Variants in SNED1 observed in about 807,000 individuals in gnomAD.
SNED1 encodes sushi, nidogen and EGF-like domain-containing protein 1.
A neutral mutation model predicts 166.7 loss-of-function variants in SNED1; 81 were observed. The observed-to-expected ratio is 0.49, with a 90% CI of 0.41 to 0.58. The LOEUF (loss-of-function observed/expected upper bound fraction) is 0.58, where lower values mean the gene tolerates loss of function less well. Ranked by LOEUF, SNED1 falls within the 20% of genes least tolerant of loss-of-function variation. The pLI is 0.00. For missense variants in SNED1, 1,604 were observed against 2,000.2 expected (o/e 0.80, Z 3.78); for synonymous variants, 762 against 822.0 (o/e 0.93, Z 1.25).
rs1387765517 is a variant in SNED1, at chr2:241,075,771, C to A, written c.3916+2407C>A. On this transcript the variant is annotated intron_variant, in intron 27 of 31. Transcript: ENST00000310397. The surrounding 1 kb of genome is among the most constrained non-coding windows in gnomAD (Gnocchi z 4.8). ...CTTTAAAAAATATCCTTCCCCACAC[C>A]AAAGTTAGAAAGTTATTCATGTATA... 1 of 152,006 alleles carries A rather than the reference C, an allele frequency of 6.6e-6. No homozygotes were observed. Among genetic ancestry groups the A allele is most frequent in the Admixed American group, 6.5e-5 (1 of 15,270 alleles). 9.4% of individuals were successfully genotyped at this position (152,006 alleles called of 1,614,324 possible). A position where few individuals can be genotyped will look rare whatever the true frequency, so the allele number is the denominator to read the frequency against.
chr2:241,030,500 T>C lies in SNED1; in HGVS notation c.430T>C (p.Phe144Leu). 1 of 1,613,960 alleles carries C rather than the reference T, an allele frequency of 6.2e-7. No individual in the cohort carries two copies. Among genetic ancestry groups the C allele is most frequent in the Non-Finnish European group, 8.5e-7 (1 of 1,179,892 alleles). Residue 144 changes from phenylalanine (F) to leucine (L), a missense_variant, in exon 2 of 32, where the codon TTC becomes CTC. Phe to Leu is a conservative substitution (Grantham distance 22, BLOSUM62 0). Around this residue, in one of 2 missense-constraint regions of SNED1, gnomAD observed 1,237 missense variants for 1,620.8 expected, o/e 0.76. Coordinates refer to ENST00000310397, the MANE Select transcript of SNED1 (RefSeq NM_001080437.3). ...GCACTACTTCCCCGAGCTCCTGGAC[T>C]TCAATGCCACCTGGGTTTTTGTTGC... ...VRHYFPELLD[F>L]NATWVFVATW...
rs2063951562 is a variant in SNED1 at position 241,091,157 on chromosome 2, C to A, written c.*2-481C>A. On this transcript the variant is annotated intron_variant, in intron 31 of 31. Transcript: ENST00000310397. The surrounding 1 kb of genome is among the most constrained non-coding windows in gnomAD (Gnocchi z 4.1). ...AATACTGACTTATAGAATACCTATT[C>A]TTGAAATAATGGAGACAACACACAA... Among the ~76,000 whole-genome samples the A allele has an allele frequency of 6.6e-6, 1 of 152,110 alleles. No individual in the cohort carries two copies. Among genetic ancestry groups the A allele is most frequent in the African/African-American group, 2.4e-5 (1 of 41,414 alleles).
chr2:241,012,004 C>T (rs1304294068), intron 1 of SNED1, among the ~76,000 whole-genome samples: 1 of 152,194 alleles, frequency 6.6e-6, no homozygotes, highest in Non-Finnish European at 1.5e-5. Context: ...GCGGGGCAGG[C>T]GGCGGGTGGG....
intron 1 of SNED1, among the ~76,000 whole-genome samples, chr2:241,009,269 G>C (rs2060314075): frequency 6.6e-6 from 1 of 152,138 alleles, no homozygotes; most frequent in South Asian, 2.1e-4. Context: ...GATCTCAAGA[G>C]CCCAGGAGGC....
chr2:241,063,020 C>T (rs1187987445), intron 17 of SNED1, 116 bp downstream of exon 17: 1 of 637,754 alleles, frequency 1.6e-6, no homozygotes, highest in Non-Finnish European at 2.7e-6. Flanking sequence ...CCACTGCATG[C>T]TTTCTCGGGC....
At position 241,030,368 on chromosome 2, in the gene SNED1, G is replaced by T. The variant is rs200071415; in HGVS notation, c.298G>T (p.Val100Leu). The T allele has an allele frequency of 9.9e-6, 16 of 1,611,854 alleles. No individual in the cohort carries two copies. The highest frequency in any genetic ancestry group is 1.4e-5 in the Non-Finnish European group (16 of 1,179,130). The change falls in exon 2 of 32, where the codon GTG becomes TTG. Residue 100 changes from valine (V) to leucine (L), a missense_variant. This residue lies in a region of SNED1 where 1,237 missense variants were observed against 1,620.8 expected (regional missense o/e 0.76). Coordinates refer to ENST00000310397, the MANE Select transcript of SNED1 (RefSeq NM_001080437.3). Reference sequence around the variant, plus strand: ...CTTCCCCATTGCCAAGGACCGCTGCGTGGTGGCAGCCTTCTGGGCAGATGT... The same window carrying T: ...CTTCCCCATTGCCAAGGACCGCTGCTTGGTGGCAGCCTTCTGGGCAGATGT... ...VAFPIAKDRC[V>L]VAAFWADVDN...
rs778905683 is a variant in SNED1, at chr2:241,071,698, G to A, written c.3712G>A (p.Glu1238Lys). ...CCTGCTCAATGACCACAGCGCCCCC[G>A]AGACCCCCACCCAGCCCCCCAGGTA... ...LRLLNDHSAP[E>K]TPTQPPRFSE... The change falls in exon 25 of 32, where the codon GAG becomes AAG. Residue 1238 changes from glutamate (E) to lysine (K), a missense_variant. Around this residue, in one of 2 missense-constraint regions of SNED1, gnomAD observed 367 missense variants for 379.4 expected, o/e 0.97. Coordinates refer to ENST00000310397, the MANE Select transcript of SNED1 (RefSeq NM_001080437.3). 1,044 of 970,578 alleles carry A rather than the reference G, an allele frequency of 1.1e-3. 3 individuals are homozygous for A. Among genetic ancestry groups the A allele is most frequent in the South Asian group, 2.4e-3 (160 of 67,136 alleles). The allele number at this position is 970,578 out of a possible 1,614,324, so 60.1% of individuals were successfully genotyped here.
intron 2 of SNED1, among the ~76,000 whole-genome samples, chr2:241,031,070 G>A (rs2061152214): frequency 6.6e-6 from 1 of 152,206 alleles, no homozygotes; most frequent in African/African-American, 2.4e-5. Context: ...ACTGGGCACT[G>A]GGTCATGACT....
At chr2:241,009,205 G>C (rs887212844) in intron 1 of SNED1, among the ~76,000 whole-genome samples, 6 of 152,198 alleles carry the variant, frequency 3.9e-5, no homozygotes, top group South Asian at 2.1e-4. Flanking sequence ...AGAGATGCAG[G>C]GTGACTGTGA....
intron 1 of SNED1, among the ~76,000 whole-genome samples, chr2:241,021,952 C>T (rs1318095856): frequency 2.2e-5 from 3 of 133,594 alleles, no homozygotes; most frequent in Admixed American, 7.2e-5. Flanking sequence ...TTCATTACAG[C>T]CATCCTGCCA....
chr2:241,054,628 C>T (rs978207881), intron 16 of SNED1, among the ~76,000 whole-genome samples: 2 of 152,174 alleles, frequency 1.3e-5, no homozygotes, highest in African/African-American at 4.8e-5. Context: ...ACAAAGTAAA[C>T]ATGGCATTGG....
rs899379898 is a variant in SNED1, at chr2:240,999,218, G to A, written c.213+168G>A. Among the ~76,000 whole-genome samples the A allele has an allele frequency of 1.3e-5, 2 of 149,592 alleles. No individual in the cohort carries two copies. The highest frequency in any genetic ancestry group is 3.0e-5 in the Non-Finnish European group (2 of 67,154). On this transcript the variant is annotated intron_variant, in intron 1 of 31. Transcript: ENST00000310397. The surrounding 1 kb of genome is among the most constrained non-coding windows in gnomAD (Gnocchi z 5.8). ...TCCTCGGCGGCCAAGGCCGGACAGC[G>A]GCCCGCGGGAGAGGCGCGCGGGCGG...
intron 27 of SNED1, among the ~76,000 whole-genome samples, chr2:241,077,202 A>G (rs898482233): frequency 1.3e-5 from 2 of 152,216 alleles, no homozygotes; most frequent in African/African-American, 4.8e-5. Context: ...GTGCTGGGAC[A>G]GCTGGATATC....
intron 8 of SNED1, chr2:241,040,967 C>T (rs943784476): frequency 7.4e-6 from 3 of 403,888 alleles, no homozygotes; most frequent in Non-Finnish European, 1.5e-5. Flanking sequence ...CTGATTGTTG[C>T]ACCTGCCTCC....
intron 24 of SNED1, 180 bp from the exon 25 acceptor site, chr2:241,071,396 A>G (rs984581810): frequency 6.0e-6 from 4 of 671,418 alleles, no homozygotes; most frequent in Admixed American, 2.6e-5. Flanking sequence ...GGTGGGCTGG[A>G]AGGGAACCCA....
In SNED1 at chr2:241,026,009, CTTTTT is replaced by C. The variant is rs71404676; in HGVS notation, c.214-4255_214-4251del. 6.6e-3 allele frequency among the ~76,000 whole-genome samples: 487 copies of C among 73,576 alleles called. 3 individuals are homozygous for C. The highest frequency in any genetic ancestry group is 0.021 in the African/African-American group (399 of 19,258). 48.3% of individuals were successfully genotyped at this position (73,576 alleles called of 152,430 possible). Reference sequence around the variant, plus strand: ...TTGATGTGGCTTTGTTTTTCTTTTCCTTTTTTTTTTTTTTTTTTTTTTTTGAGACA... The same window carrying C: ...TTGATGTGGCTTTGTTTTTCTTTTCCTTTTTTTTTTTTTTTTTTTGAGACA... On this transcript the variant is annotated intron_variant, in intron 1 of 31. Coordinates refer to ENST00000310397, the MANE Select transcript of SNED1 (RefSeq NM_001080437.3).
chr2:241,064,993 G>A lies in SNED1; in HGVS notation c.2713+36G>A, dbSNP rs778386753. 84 of 1,472,450 alleles carry A rather than the reference G, an allele frequency of 5.7e-5. No homozygotes were observed. The highest frequency in any genetic ancestry group is 6.9e-5 in the Non-Finnish European group (75 of 1,089,678). 91.2% of individuals were successfully genotyped at this position (1,472,450 alleles called of 1,614,324 possible). ...AGGGCGCCTCCAGTGAGGGAGCCAC[G>A]AGGGGGTCCCCTCTCCCTAGAGGGC... On this transcript the variant is annotated intron_variant, in intron 20 of 31. Transcript: ENST00000310397. The surrounding 1 kb of genome is among the most constrained non-coding windows in gnomAD (Gnocchi z 7.0).
chr2:241,040,391 C>A lies in SNED1; in HGVS notation c.1251C>A (p.Phe417Leu). 6.2e-7 allele frequency: 1 copy of A among 1,600,378 alleles called. No homozygotes were observed. Among genetic ancestry groups the A allele is most frequent in the Non-Finnish European group, 8.5e-7 (1 of 1,173,274 alleles). The change falls in exon 8 of 32, where the codon TTC (phenylalanine) becomes TTA (leucine). Residue 417 changes from phenylalanine (F) to leucine (L), a missense_variant. Around this residue, in one of 2 missense-constraint regions of SNED1, gnomAD observed 1,237 missense variants for 1,620.8 expected, o/e 0.76. Coordinates refer to ENST00000310397, the MANE Select transcript of SNED1 (RefSeq NM_001080437.3). ...GNYTCLCAEP[F>L]KGLRCETGDH... is the part of the protein sequence containing the mutation. ...ACACCTGCTTGTGTGCCGAGCCCTT[C>A]AAGGGACTTCGCTGTGAGACAGGTA...
At position 241,064,854 on chromosome 2, in the gene SNED1, C is replaced by T; in HGVS notation, c.2610C>T (p.Pro870=). 6.3e-7 allele frequency: 1 copy of T among 1,587,342 alleles called. No individual in the cohort carries two copies. The highest frequency in any genetic ancestry group is 8.5e-7 in the Non-Finnish European group (1 of 1,172,044). The change falls in exon 20 of 32, where the codon CCC becomes CCT. Residue 870 remains proline (P), a synonymous_variant. Coordinates refer to ENST00000310397, the MANE Select transcript of SNED1 (RefSeq NM_001080437.3). This position sits in a 1 kb window ranked among gnomAD's most constrained non-coding sequence, Gnocchi z 7.0. ...FGYHCETVSD[P]CFSSPCGGRG... is the part of the protein sequence containing the mutation. ...TTTTTCTCCCCTCAGTGAGTGACCC[C>T]TGCTTCTCCAGCCCCTGTGGGGGCC... is the stretch of plus-strand genomic sequence containing the variant.
Sources: allele counts gnomAD v4.1 joint callset (sites outside exome capture counted in the v4.1 genomes callset), GRCh38; gene constraint gnomAD v4.1.1; regional missense constraint gnomAD v4.1.1; non-coding constraint Gnocchi (gnomAD v3.1); transcripts MANE v1.5; gene names NCBI Gene and HGNC (gene_info 2026-07-23, HGNC 2026-07-21).